LHX3: variants seen among roughly 807,000 people sequenced by gnomAD.
The protein encoded by LHX3 is LIM/homeobox protein Lhx3.
A neutral mutation model predicts 32.4 loss-of-function variants in LHX3; 21 were observed. The ratio of observed to expected loss-of-function variants is 0.65; its 90% CI spans 0.46 to 0.93. The LOEUF (loss-of-function observed/expected upper bound fraction) is 0.93. Ranked by LOEUF, LHX3 falls within the 40% of genes least tolerant of loss-of-function variation. LHX3 has a pLI of 0.00. For missense variants in LHX3, 626 were observed against 560.0 expected, an observed-to-expected ratio of 1.12 and a Z score of -1.19; for synonymous variants, 258 against 246.8, an observed-to-expected ratio of 1.05 and a Z score of -0.43.
rs879304888 is a variant in LHX3 at position 136,196,743 on chromosome 9, C to T, written c.*582G>A. On this transcript the variant is annotated 3_prime_UTR_variant, in exon 6 of 6. Coordinates refer to ENST00000371748, the MANE Select transcript of LHX3 (RefSeq NM_178138.6). ...CCTGGGGATTGGGGAAAGCTTCTCC[C>T]GGGGAAGGTGGGGCTGGAGGCAGAG... 49 of 154,670 alleles carry T rather than the reference C, an allele frequency of 3.2e-4. No homozygotes were observed. The highest frequency in any genetic ancestry group is 1.7e-3 in the Admixed American group (27 of 15,604). The allele number at this position is 154,670 out of a possible 1,614,324, so 9.6% of individuals were successfully genotyped here. A position where few individuals can be genotyped will look rare whatever the true frequency, so the allele number is the denominator to read the frequency against.
At position 136,204,884 on chromosome 9, in the gene LHX3, G is replaced by A. The variant is rs1204486777; in HGVS notation, c.79+50C>T. The A allele has an allele frequency of 6.1e-6, 9 of 1,478,856 alleles. No homozygotes were observed. In the South Asian group the frequency reaches 8.4e-5, roughly 14 times the overall value. The allele number at this position is 1,478,856 out of a possible 1,614,324, so 91.6% of individuals were successfully genotyped here. ...GCCCTGCACGCACCCCCTTCCTCGC[G>A]CCTCTGCCGCCCTTGCCGTTTCTGT... is the stretch of plus-strand genomic sequence containing the variant. On this transcript the variant is annotated intron_variant, in intron 1 of 5. Transcript: ENST00000371748.
chr9:136,201,301 C>A (rs921689761), intron 1 of LHX3: 93 of 1,257,774 alleles, frequency 7.4e-5, no homozygotes, highest in Non-Finnish European at 8.4e-5. Flanking sequence ...AATGCCTTCC[C>A]CATCATTGGG....
chr9:136,197,293 C>A lies in LHX3; in HGVS notation c.*32G>T. 1 of 1,609,642 alleles carries A rather than the reference C, an allele frequency of 6.2e-7. No individual in the cohort carries two copies. ...GCCGCCCACCCAGGGGCAGCTCCCT[C>A]GTGTGAGGTGCAGGGTGGAGCCGGG... On this transcript the variant is annotated 3_prime_UTR_variant, in exon 6 of 6. Transcript: ENST00000371748.
At chr9:136,204,600 G>A (rs1431851135) in intron 1 of LHX3, among the ~76,000 whole-genome samples, 1 of 152,198 alleles carries the variant, frequency 6.6e-6, no homozygotes, top group Non-Finnish European at 1.5e-5. Flanking sequence ...CCAGAGACCT[G>A]GGCCGGGCTG....
rs150382420 is a variant in LHX3 at position 136,196,869 on chromosome 9, C to T, written c.*456G>A. The T allele has an allele frequency of 1.1e-4, 20 of 183,410 alleles. No homozygotes were observed. The highest frequency in any genetic ancestry group is 4.3e-4 in the African/African-American group (18 of 41,980). 11.4% of individuals were successfully genotyped at this position (183,410 alleles called of 1,614,324 possible). On this transcript the variant is annotated 3_prime_UTR_variant, in exon 6 of 6. Transcript: ENST00000371748. The stretch of plus-strand genomic sequence containing the variant: ...TGCCTCGACAGGCAAGGCCAATCTC[C>T]GACCTAAAGAGGGAGCCTCGGGGTG...
At chr9:136,200,539 C>T (rs763471167) in intron 2 of LHX3, 43 bp downstream of exon 2, 13 of 1,599,036 alleles carry the variant, frequency 8.1e-6, no homozygotes, top group Middle Eastern at 1.7e-4. Context: ...CTGGGGCAGG[C>T]GTGCCCTCCG....
At chr9:136,203,193 C>T (rs973419334) in intron 1 of LHX3, 92 of 1,117,826 alleles carry the variant, frequency 8.2e-5, no homozygotes, top group South Asian at 1.1e-4. Context: ...AGCCTCTGGC[C>T]GAGCGGAGGG....
Position 136,198,949 on chromosome 9 carries a change from G to A in LHX3, c.565C>T (p.Gln189Ter). 1 of 1,587,702 alleles carries A rather than the reference G, an allele frequency of 6.3e-7. No homozygotes were observed. The highest frequency in any genetic ancestry group is 8.5e-7 in the Non-Finnish European group (1 of 1,171,320). ...SPKPARHVRE[Q>*]LSSETGLDMR... is the part of the protein sequence containing the mutation. Reference sequence around the variant, plus strand: ...TCCAGGCCCGTCTCGGACGAGAGCTGCTCGCGCACGTGGCGCGCCGGCTTG... The same window carrying A: ...TCCAGGCCCGTCTCGGACGAGAGCTACTCGCGCACGTGGCGCGCCGGCTTG... Residue 189 changes from glutamine (Q) to a stop codon, truncating the protein, a stop_gained, in exon 4 of 6, where the codon CAG (glutamine) becomes TAG (stop). Transcript: ENST00000371748. LOFTEE classifies it high-confidence loss of function.
chr9:136,204,419 G>T (rs1011724984), intron 1 of LHX3, among the ~76,000 whole-genome samples: 6 of 152,218 alleles, frequency 3.9e-5, no homozygotes, highest in Non-Finnish European at 7.3e-5. Context: ...GTCGTGTGTG[G>T]CAGGACTGGG....
At position 136,204,939 on chromosome 9, in the gene LHX3, G is replaced by A. The variant is rs1179352721; in HGVS notation, c.74C>T (p.Thr25Ile). 1.3e-6 allele frequency: 2 copies of A among 1,599,954 alleles called. No homozygotes were observed. The highest frequency in any genetic ancestry group is 1.7e-6 in the Non-Finnish European group (2 of 1,174,934). ...AGTGTCCTGCTGGGGCTTACCCCGA[G>A]TCCCGCCCAAGGTGCAGACGGCGGC... is the stretch of plus-strand genomic sequence containing the variant. ...GAAAVCTLGG[T>I]REIPLCAGCD... The change falls in exon 1 of 6, where the codon ACT becomes ATT. Residue 25 changes from threonine to isoleucine, a missense_variant. Physicochemically the swap from Thr to Ile is moderately conservative, Grantham distance 89. Transcript: ENST00000371748.
intron 2 of LHX3, chr9:136,200,293 G>A (rs1248967098): frequency 1.8e-6 from 1 of 555,422 alleles, no homozygotes; most frequent in Non-Finnish European, 3.2e-6. Context: ...ACAAATAGGG[G>A]TGTATCTTCT....
intron 1 of LHX3, among the ~76,000 whole-genome samples, chr9:136,204,400 C>T (rs1026399788): frequency 1.3e-5 from 2 of 152,184 alleles, no homozygotes; most frequent in African/African-American, 4.8e-5. Context: ...GCTGCCGAAG[C>T]GATCAGGGGT....
intron 1 of LHX3, chr9:136,201,075 C>T (rs1831629722): frequency 7.7e-7 from 1 of 1,292,870 alleles, no homozygotes; most frequent in Non-Finnish European, 1.0e-6. Context: ...AAGAAGGGTG[C>T]ATGTGGAGCT....
chr9:136,199,799 G>A lies in LHX3; in HGVS notation c.333C>T (p.Tyr111=). 1.9e-6 allele frequency: 3 copies of A among 1,612,590 alleles called. No homozygotes were observed. Among genetic ancestry groups the A allele is most frequent in the Middle Eastern group, 3.3e-4 (2 of 6,062 alleles). Residue 111 remains tyrosine, a synonymous_variant, in exon 3 of 6, where the codon TAC becomes TAT. Transcript: ENST00000371748. ...QVVRRAQDFV[Y]HLHCFACVVC... is the part of the protein sequence containing the mutation. ...CGACGCAGGCAAAGCAGTGCAGGTG[G>A]TACACGAAGTCCTGGGCGCGGCGCA...
intron 2 of LHX3, 173 bp downstream of exon 2, chr9:136,200,409 G>C: frequency 1.4e-6 from 1 of 709,642 alleles, no homozygotes; most frequent in South Asian, 1.7e-5. Flanking sequence ...CCATGGAGAG[G>C]CCCCACCCTT....
chr9:136,202,290 G>A lies in LHX3; in HGVS notation c.80-1537C>T, dbSNP rs1297386637. ...CGGCCGGTCCCTCTCACTCCCCACT[G>A]GCTCCGGGGCCTCCTTCCCCATCCT... On this transcript the variant is annotated intron_variant, in intron 1 of 5. Transcript: ENST00000371748. Among the ~76,000 whole-genome samples, 4 of 152,136 alleles carry A rather than the reference G, an allele frequency of 2.6e-5. No individual in the cohort carries two copies. In the East Asian group the frequency reaches 7.7e-4, roughly 29 times the overall value.
rs1170577843 is a variant in LHX3, at chr9:136,203,837, C to G, written c.79+1097G>C. ...CTCCGGCTCCATTGGAACACGGTCC[C>G]TTACCTGATATTTCAGCCTCTTGCC... On this transcript the variant is annotated intron_variant, in intron 1 of 5. Transcript: ENST00000371748. Among the ~76,000 whole-genome samples, 3 of 152,364 alleles carry G rather than the reference C, an allele frequency of 2.0e-5. No individual in the cohort carries two copies. In the East Asian group the frequency reaches 5.8e-4, roughly 29 times the overall value.
At chr9:136,204,654 C>T (rs950707690) in intron 1 of LHX3, among the ~76,000 whole-genome samples, 1 of 152,192 alleles carries the variant, frequency 6.6e-6, no homozygotes, top group African/African-American at 2.4e-5. Context: ...GAACCTAGCA[C>T]CCCTTGGTCG....
Position 136,199,829 on chromosome 9 carries a change from C to G in LHX3, c.303G>C (p.Gln101His), listed in dbSNP as rs755449495. 6.2e-7 allele frequency: 1 copy of G among 1,609,970 alleles called. No individual in the cohort carries two copies. The highest frequency in any genetic ancestry group is 2.2e-5 in the East Asian group (1 of 44,710). The change falls in exon 3 of 6, where the codon CAG becomes CAC. Residue 101 changes from glutamine (Q) to histidine (H), a missense_variant. Gln to His is a conservative substitution (Grantham distance 24). Transcript: ENST00000371748. ...AACQLGIPPT[Q>H]VVRRAQDFVY... ...CGAAGTCCTGGGCGCGGCGCACCAC[C>G]TGCGTGGGCGGGATGCCCAGCTGGC...
Sources: allele counts gnomAD v4.1 joint callset (sites outside exome capture counted in the v4.1 genomes callset), GRCh38; gene constraint gnomAD v4.1.1; transcripts MANE v1.5; gene names NCBI Gene and HGNC (gene_info 2026-07-23, HGNC 2026-07-21).